Variants in NLRP7 observed in about 807,000 individuals in gnomAD.
The protein encoded by NLRP7 is NACHT, LRR and PYD domains-containing protein 7.
A neutral mutation model predicts 85.5 loss-of-function variants in NLRP7; 72 were observed. The ratio of observed to expected loss-of-function variants is 0.84; its 90% CI spans 0.70 to 1.02. NLRP7 has a LOEUF of 1.02. NLRP7 is among the 50% of genes least tolerant of loss of function. NLRP7 has a pLI of 0.00. For synonymous variants in NLRP7, 550 were observed against 505.2 expected (o/e 1.09, Z -1.19); for missense variants, 1,243 against 1,219.5 (o/e 1.02, Z -0.29).
intron 9 of NLRP7, 138 bp from the exon 10 acceptor site, chr19:54,927,913 C>A: frequency 1.3e-6 from 1 of 757,812 alleles, no homozygotes; most frequent in South Asian, 1.4e-5. Flanking sequence ...CCAACACGGT[C>A]AAACCCCATC....
intron 6 of NLRP7, among the ~76,000 whole-genome samples, chr19:54,935,413 T>C (rs892557486): frequency 7.2e-5 from 11 of 151,956 alleles, no homozygotes; most frequent in Admixed American, 4.6e-4. Flanking sequence ...AATTTTATCC[T>C]GGCCAGGCGC....
chr19:54,939,984 C>A lies in NLRP7; in HGVS notation c.835G>T (p.Val279Leu), dbSNP rs144378653. The A allele has an allele frequency of 1.8e-4, 297 of 1,614,182 alleles. No homozygotes were observed. The African/African-American group carries it at 3.3e-3, about 18-fold the overall frequency. Residue 279 changes from valine to leucine, a missense_variant, in exon 4 of 10, where the codon GTG becomes TTG. Val to Leu is a conservative substitution (Grantham distance 32). This residue lies in a region of NLRP7 where 591 missense variants were observed against 563.3 expected (regional missense o/e 1.05). Transcript: ENST00000340844. ...AGCAAACTCCCCAGGAGGACGGGCA[C>A]CGGCTTCTTCTTCTCCCAGTCCCCG...
chr19:54,953,118 A>T lies in NLRP7; in HGVS notation c.-76-5613T>A, dbSNP rs190642700. Reference sequence around the variant, plus strand: ...AAAGCATTCTAAGTCACAGGATGAGATAAGTCAGCACAAGATACAGGTCAT... The same window carrying T: ...AAAGCATTCTAAGTCACAGGATGAGTTAAGTCAGCACAAGATACAGGTCAT... On this transcript the variant is annotated intron_variant, in intron 1 of 2. Coordinates refer to the NLRP7 transcript ENST00000587103. The T allele has an allele frequency of 2.6e-5, 4 of 152,288 alleles. No homozygotes were observed. The East Asian group carries it at 7.7e-4, about 29-fold the overall frequency. 9.4% of individuals were successfully genotyped at this position (152,288 alleles called of 1,614,324 possible).
At chr19:54,963,057 G>C (rs2070115517) in intron 1 of NLRP7, among the ~76,000 whole-genome samples, 1 of 152,134 alleles carries the variant, frequency 6.6e-6, no homozygotes. Context: ...AAATGGGTAG[G>C]ATCATGGCAA....
Position 54,938,298 on chromosome 19 carries a change from A to G in NLRP7, c.1932-57T>C, listed in dbSNP as rs78894374. 7.4e-3 allele frequency: 10,463 copies of G among 1,413,164 alleles called. 465 individuals are homozygous for G. The African/African-American group carries it at 0.11, about 15-fold the overall frequency. The allele number at this position is 1,413,164 out of a possible 1,614,324, so 87.5% of individuals were successfully genotyped here. ...CTAGTACCTGCATGGTGAGATGGGCATCTGCAAACCACATTTCAATGGCAA... is the reference window on the plus strand; with the variant it reads ...CTAGTACCTGCATGGTGAGATGGGCGTCTGCAAACCACATTTCAATGGCAA... On this transcript the variant is annotated intron_variant, in intron 4 of 9. Transcript: ENST00000340844.
intron 1 of NLRP7, among the ~76,000 whole-genome samples, chr19:54,942,255 C>CAAAAAAA (rs576434793): frequency 3.4e-5 from 2 of 59,444 alleles, no homozygotes; most frequent in African/African-American, 5.7e-5. Context: ...GACTCCGTCT[C>CAAAAAAA]AAAAAAAAAA....
chr19:54,926,761 CA>C (rs1175367033), intron 9 of NLRP7, among the ~76,000 whole-genome samples: 12 of 150,962 alleles, frequency 7.9e-5, no homozygotes, highest in Admixed American at 7.9e-4. Flanking sequence ...ACTAAAAATA[CA>C]AAAATTAGCT....
intron 1 of NLRP7, among the ~76,000 whole-genome samples, chr19:54,947,259 G>A (rs547977704): frequency 4.5e-4 from 68 of 151,950 alleles, no homozygotes; most frequent in African/African-American, 1.4e-3. Flanking sequence ...CCCAGGAGGC[G>A]GAGTTTGCAG....
intron 4 of NLRP7, among the ~76,000 whole-genome samples, chr19:54,938,443 G>T (rs1305773193): frequency 1.3e-5 from 2 of 152,104 alleles, no homozygotes; most frequent in Non-Finnish European, 2.9e-5. Flanking sequence ...AATAGATAAG[G>T]CTGAGTGAGG....
chr19:54,939,931 G>A, exon 4 of NLRP7: 3 of 1,614,138 alleles, frequency 1.9e-6, no homozygotes, highest in Non-Finnish European at 2.5e-6. Flanking sequence ...TGACCAGCAA[G>A]GCTGCCCTGG....
chr19:54,940,455 C>T (rs1341138985), exon 4 of NLRP7: 2 of 1,613,802 alleles, frequency 1.2e-6, no homozygotes, highest in Non-Finnish European at 1.7e-6. Context: ...TTTCTCCATC[C>T]TTCCTTTTCA....
intron 1 of NLRP7, among the ~76,000 whole-genome samples, chr19:54,956,718 G>T (rs1196494045): frequency 1.3e-5 from 2 of 151,406 alleles, no homozygotes; most frequent in South Asian, 2.1e-4. Flanking sequence ...GCCGGGCGCA[G>T]TGGCTCACGC....
At chr19:54,937,215 CAAA>C (rs570045116) in intron 5 of NLRP7, among the ~76,000 whole-genome samples, 1 of 77,584 alleles carries the variant, frequency 1.3e-5, no homozygotes, top group African/African-American at 4.9e-5. Flanking sequence ...GAGACTGTCT[CAAA>C]AAAAAAAAAA....
At chr19:54,926,062 C>CA (rs76438352) in intron 9 of NLRP7, among the ~76,000 whole-genome samples, 38,278 of 149,406 alleles carry the variant, frequency 0.26, 5,133 homozygotes, top group East Asian at 0.31. Flanking sequence ...GACTCCGTCT[C>CA]AAAAAAAAAT....
At chr19:54,930,575 T>C in exon 9 of NLRP7, 1 of 1,612,270 alleles carries the variant, frequency 6.2e-7, no homozygotes, top group East Asian at 2.2e-5. Context: ...ATCTGGTTGA[T>C]ACTCAAGTCC....
intron 5 of NLRP7, among the ~76,000 whole-genome samples, chr19:54,937,135 A>G (rs914318838): frequency 1.4e-5 from 2 of 145,162 alleles, no homozygotes; most frequent in Non-Finnish European, 3.0e-5. Context: ...GGAGAATGGC[A>G]TGAACCCGGG....
upstream of NLRP7, chr19:54,947,814 G>A (rs1452139670): frequency 2.8e-6 from 1 of 360,352 alleles, no homozygotes; most frequent in Non-Finnish European, 5.3e-6. Flanking sequence ...CACATTTTGG[G>A]TTTTGCAGGG....
intron 1 of NLRP7, among the ~76,000 whole-genome samples, chr19:54,964,452 G>C (rs1213079755): frequency 2.6e-5 from 4 of 151,230 alleles, no homozygotes; most frequent in African/African-American, 9.7e-5. Flanking sequence ...TCCTGACCTC[G>C]TGATCCACCT....
At chr19:54,923,695 C>A in exon 10 of NLRP7, 1 of 1,610,104 alleles carries the variant, frequency 6.2e-7, no homozygotes, top group South Asian at 1.1e-5. Context: ...TCTTAGAGAC[C>A]CGAATCCCGC....
Sources: allele counts gnomAD v4.1 joint callset (sites outside exome capture counted in the v4.1 genomes callset), GRCh38; gene constraint gnomAD v4.1.1; regional missense constraint gnomAD v4.1.1; transcripts MANE v1.5; gene names NCBI Gene and HGNC (gene_info 2026-07-23, HGNC 2026-07-21).